The following SPOCK3 variants were observed in gnomAD, a reference collection of about 807,000 sequenced individuals.
SPOCK3 encodes SPARC (osteonectin), cwcv and kazal like domains proteoglycan 3.
Under a neutral mutation model 56.6 loss-of-function variants are expected in SPOCK3, and 30 were observed. The ratio of observed to expected loss-of-function variants is 0.53; its 90% CI spans 0.40 to 0.72. The LOEUF is 0.72. Among genes scored for constraint, SPOCK3 ranks in the 30% least tolerant of loss-of-function variants. SPOCK3 has a pLI of 0.00. For missense variants in SPOCK3, 527 were observed against 530.0 expected (o/e 0.99, Z 0.06); for synonymous variants, 196 against 183.3 (o/e 1.07, Z -0.56).
intron 2 of SPOCK3, among the ~76,000 whole-genome samples, chr4:167,144,989 C>T (rs1044341227): frequency 6.6e-6 from 1 of 151,398 alleles, no homozygotes; most frequent in Non-Finnish European, 1.5e-5. Flanking sequence ...AAGGACCACT[C>T]GAAATGCTGT....
At chr4:167,159,414 T>C (rs1401928129) in intron 2 of SPOCK3, among the ~76,000 whole-genome samples, 1 of 151,920 alleles carries the variant, frequency 6.6e-6, no homozygotes, top group East Asian at 1.9e-4. Context: ...ATTCCTGAGA[T>C]GCCCTCCCTA....
chr4:167,041,383 A>T (rs761411985), intron 3 of SPOCK3, among the ~76,000 whole-genome samples: 5 of 152,206 alleles, frequency 3.3e-5, no homozygotes, highest in Non-Finnish European at 7.3e-5. Flanking sequence ...CCATTATTAA[A>T]CTATTAAATT....
At chr4:166,762,903 C>A (rs866506224) in intron 7 of SPOCK3, among the ~76,000 whole-genome samples, 6 of 152,026 alleles carry the variant, frequency 3.9e-5, no homozygotes, top group Admixed American at 6.6e-5. Flanking sequence ...CCTTATTGAA[C>A]TGTGGGACTA....
At chr4:167,023,317 G>C (rs1751383640) in intron 3 of SPOCK3, among the ~76,000 whole-genome samples, 1 of 151,876 alleles carries the variant, frequency 6.6e-6, no homozygotes, top group Non-Finnish European at 1.5e-5. Flanking sequence ...ACTGTGTCTG[G>C]TAGCCAGAGG....
At chr4:166,958,186 T>A (rs1408405103) in intron 4 of SPOCK3, among the ~76,000 whole-genome samples, 1 of 152,152 alleles carries the variant, frequency 6.6e-6, no homozygotes, top group African/African-American at 2.4e-5. Flanking sequence ...GTGAGTGTGC[T>A]CTCTTGAGGT....
intron 2 of SPOCK3, among the ~76,000 whole-genome samples, chr4:167,069,528 G>A (rs1187635408): frequency 1.3e-5 from 2 of 151,870 alleles, no homozygotes; most frequent in African/African-American, 4.8e-5. Context: ...GTTCGTAGCG[G>A]GCGGGTTTGT....
intron 6 of SPOCK3, among the ~76,000 whole-genome samples, chr4:166,860,855 A>G (rs1241886074): frequency 1.6e-5 from 2 of 123,654 alleles, no homozygotes; most frequent in Non-Finnish European, 1.7e-5. Context: ...TCCATGTTTA[A>G]TTGCTTTGTA....
At chr4:166,897,403 G>A (rs1325862620) in intron 5 of SPOCK3, among the ~76,000 whole-genome samples, 2 of 151,996 alleles carry the variant, frequency 1.3e-5, no homozygotes, top group Admixed American at 1.3e-4. Flanking sequence ...GAGAGAGGAG[G>A]GTTTTTTTCC....
At chr4:167,198,112 A>G (rs1201654353) in intron 2 of SPOCK3, among the ~76,000 whole-genome samples, 1 of 152,208 alleles carries the variant, frequency 6.6e-6, no homozygotes, top group Non-Finnish European at 1.5e-5. Flanking sequence ...GATTATACAT[A>G]TTTTTAGCCA....
At chr4:166,766,454 T>C (rs1738069901) in intron 7 of SPOCK3, among the ~76,000 whole-genome samples, 1 of 152,146 alleles carries the variant, frequency 6.6e-6, no homozygotes, top group South Asian at 2.1e-4. Flanking sequence ...ATCATGTGGT[T>C]TTTGTCTTTG....
intron 2 of SPOCK3, among the ~76,000 whole-genome samples, chr4:167,127,375 AG>A (rs1316281874): frequency 6.6e-6 from 1 of 152,078 alleles, no homozygotes; most frequent in Non-Finnish European, 1.5e-5. Flanking sequence ...TTTATATTAC[AG>A]AAAAAAAAAT....
intron 2 of SPOCK3, among the ~76,000 whole-genome samples, chr4:167,104,436 T>C (rs529115554): frequency 2.0e-5 from 3 of 152,210 alleles, no homozygotes; most frequent in African/African-American, 4.8e-5. Context: ...AAAAATGCAA[T>C]TGCCATACTG....
At chr4:167,228,019 T>C (rs1736771990) in intron 2 of SPOCK3, among the ~76,000 whole-genome samples, 1 of 152,162 alleles carries the variant, frequency 6.6e-6, no homozygotes, top group Non-Finnish European at 1.5e-5. Flanking sequence ...AGTTATAAGA[T>C]GCAGAAAACC....
chr4:166,964,621 T>C (rs527385670), intron 4 of SPOCK3, among the ~76,000 whole-genome samples: 1 of 151,684 alleles, frequency 6.6e-6, no homozygotes, highest in South Asian at 2.1e-4. Flanking sequence ...TGTAAATATA[T>C]AGTTGATATT....
rs139604109 is a variant in SPOCK3 at position 167,063,032 on chromosome 4, T to A, written c.190-495A>T. ...TACCAAGTGATTCTGCAGTGGCCCA[T>A]GGAGTGTAAATATGCTTTATGCAAA... is the stretch of plus-strand genomic sequence containing the variant. On this transcript the variant is annotated intron_variant, in intron 2 of 10. Coordinates refer to ENST00000357545, the MANE Select transcript of SPOCK3 (RefSeq NM_001040159.2). 8.6e-5 allele frequency among the ~76,000 whole-genome samples: 13 copies of A among 151,972 alleles called. No homozygotes were observed. In the East Asian group the frequency reaches 2.5e-3, roughly 29 times the overall value.
chr4:166,853,431 T>G (rs1730339347), intron 6 of SPOCK3, among the ~76,000 whole-genome samples: 3 of 152,232 alleles, frequency 2.0e-5, no homozygotes, highest in African/African-American at 7.2e-5. Context: ...TAAATTATTT[T>G]CATAGAGGAC....
At chr4:166,869,040 T>C (rs1282783183) in intron 6 of SPOCK3, among the ~76,000 whole-genome samples, 1 of 152,090 alleles carries the variant, frequency 6.6e-6, no homozygotes, top group Non-Finnish European at 1.5e-5. Flanking sequence ...GGGAGAACTG[T>C]TGGTGTTTTC....
At chr4:166,899,779 T>A (rs916776880) in intron 5 of SPOCK3, among the ~76,000 whole-genome samples, 2 of 152,104 alleles carry the variant, frequency 1.3e-5, no homozygotes, top group African/African-American at 2.4e-5. Context: ...CCTCCCAAGA[T>A]GCTGGGATTA....
At chr4:166,876,952 T>C (rs761578768) in intron 6 of SPOCK3, among the ~76,000 whole-genome samples, 12 of 152,124 alleles carry the variant, frequency 7.9e-5, no homozygotes, top group Non-Finnish European at 1.2e-4. Flanking sequence ...ATGGGAAGTT[T>C]GGGGTAGAGA....
Sources: gnomAD v4.1 joint callset for allele counts (sites outside exome capture counted in the v4.1 genomes callset) on GRCh38, gnomAD v4.1.1 for gene constraint, MANE v1.5 for transcripts, NCBI Gene and HGNC (gene_info 2026-07-23, HGNC 2026-07-21) for gene names.